Variants in ACKR2 observed in about 807,000 individuals in gnomAD.
The protein encoded by ACKR2 is atypical chemokine receptor 2, also known as C-C chemokine receptor D6.
For missense variants in ACKR2, 457 were observed against 477.3 expected (o/e 0.96, Z 0.40); for synonymous variants, 207 against 192.2 (o/e 1.08, Z -0.64).
At chr3:42,834,055 T>G (rs748337600) in intron 2 of ACKR2, among the ~76,000 whole-genome samples, 2 of 152,204 alleles carry the variant, frequency 1.3e-5, no homozygotes, top group African/African-American at 4.8e-5. Context: ...CTCCACCTTC[T>G]AGGTTCAAGC....
rs146671888 is a variant in ACKR2 at position 42,864,769 on chromosome 3, C to A, written c.267C>A (p.Ala89=). The change falls in exon 3 of 3, where the codon GCC becomes GCA. Residue 89 remains alanine (A), a synonymous_variant. Coordinates refer to ENST00000422265, the MANE Select transcript of ACKR2 (RefSeq NM_001296.5). ...TTGAGATCTATCTGCTGAATCTGGCCATCTCCAACCTTCTGTTTCTGGTGA... is the reference window on the plus strand; with the variant it reads ...TTGAGATCTATCTGCTGAATCTGGCAATCTCCAACCTTCTGTTTCTGGTGA... The part of the protein sequence containing the change: ...RMVEIYLLNL[A]ISNLLFLVTL... 1.9e-6 allele frequency: 3 copies of A among 1,614,082 alleles called. No homozygotes were observed. The highest frequency in any genetic ancestry group is 1.7e-6 in the Non-Finnish European group (2 of 1,180,042).
At position 42,865,216 on chromosome 3, in the gene ACKR2, G is replaced by A. The variant is rs1232867831; in HGVS notation, c.714G>A (p.Val238=). 6.2e-7 allele frequency: 1 copy of A among 1,614,190 alleles called. No homozygotes were observed. The change falls in exon 3 of 3, where the codon GTG becomes GTA. Residue 238 remains valine (V), a synonymous_variant. Transcript: ENST00000422265. The part of the protein sequence containing the change: ...FFYSRIGCVL[V]RLRPAGQGRA... ...ACTCCCGTATTGGTTGTGTCTTGGTGAGGCTGAGGCCCGCAGGCCAGGGCC... is the reference window on the plus strand; with the variant it reads ...ACTCCCGTATTGGTTGTGTCTTGGTAAGGCTGAGGCCCGCAGGCCAGGGCC...
intron 1 of ACKR2, among the ~76,000 whole-genome samples, chr3:42,812,208 G>T (rs1189896072): frequency 6.6e-6 from 1 of 152,196 alleles, no homozygotes; most frequent in African/African-American, 2.4e-5. Flanking sequence ...CCTCAGGGTT[G>T]TATAGTGCAT....
At chr3:42,810,754 C>T (rs1041198274) in intron 1 of ACKR2, among the ~76,000 whole-genome samples, 30 of 152,316 alleles carry the variant, frequency 2.0e-4, no homozygotes, top group Admixed American at 3.9e-4. Context: ...GGCAACTGGC[C>T]GAAGAGACAC....
chr3:42,854,704 G>T (rs748515550), intron 2 of ACKR2, among the ~76,000 whole-genome samples: 2 of 152,180 alleles, frequency 1.3e-5, no homozygotes, highest in Non-Finnish European at 2.9e-5. Context: ...CATAGAAGGA[G>T]CCCAACTAAC....
intron 2 of ACKR2, among the ~76,000 whole-genome samples, chr3:42,838,695 C>G (rs909600739): frequency 6.6e-6 from 1 of 152,194 alleles, no homozygotes; most frequent in African/African-American, 2.4e-5. Flanking sequence ...TCACTCTATT[C>G]CTAAGTATTT....
intron 1 of ACKR2, among the ~76,000 whole-genome samples, chr3:42,810,755 G>A (rs1463379063): frequency 6.6e-6 from 1 of 152,216 alleles, no homozygotes; most frequent in Non-Finnish European, 1.5e-5. Flanking sequence ...GCAACTGGCC[G>A]AAGAGACACC....
intron 2 of ACKR2, among the ~76,000 whole-genome samples, chr3:42,838,359 C>T (rs939654155): frequency 6.6e-6 from 1 of 151,982 alleles, no homozygotes; most frequent in Non-Finnish European, 1.5e-5. Context: ...AAACACACAG[C>T]CCAATTTTGT....
intron 2 of ACKR2, among the ~76,000 whole-genome samples, chr3:42,858,935 G>A (rs2088351295): frequency 6.6e-6 from 1 of 151,792 alleles, no homozygotes. Flanking sequence ...AGAGATTGAA[G>A]ATCAACTTAA....
At position 42,865,856 on chromosome 3, in the gene ACKR2, T is replaced by C. The variant is rs955182157; in HGVS notation, c.*199T>C. 34 of 538,874 alleles carry C rather than the reference T, an allele frequency of 6.3e-5. No individual in the cohort carries two copies. In the East Asian group the frequency reaches 1.0e-3, roughly 16 times the overall value. 33.4% of individuals were successfully genotyped at this position (538,874 alleles called of 1,614,324 possible). On this transcript the variant is annotated 3_prime_UTR_variant, in exon 3 of 3. Coordinates refer to ENST00000422265, the MANE Select transcript of ACKR2 (RefSeq NM_001296.5). ...CTTGCTTCCAGGATACCACGCTTTC[T>C]TTTCTGAATTGCTACAATCTTTCTT...
At position 42,864,965 on chromosome 3, in the gene ACKR2, C is replaced by T; in HGVS notation, c.463C>T (p.Leu155=). ...CGTTCATGCTCAGCCCTACCACAGG[C>T]TGAGGACCCGGGCCAAGAGCCTGCT... ...EIVHAQPYHR[L]RTRAKSLLLA... Residue 155 remains leucine, a synonymous_variant, in exon 3 of 3, where the codon CTG becomes TTG. Coordinates refer to ENST00000422265, the MANE Select transcript of ACKR2 (RefSeq NM_001296.5). The T allele has an allele frequency of 6.2e-7, 1 of 1,614,176 alleles. No individual in the cohort carries two copies. The highest frequency in any genetic ancestry group is 8.5e-7 in the Non-Finnish European group (1 of 1,180,032).
chr3:42,822,650 C>G (rs558417768), intron 2 of ACKR2, among the ~76,000 whole-genome samples: 1 of 151,868 alleles, frequency 6.6e-6, no homozygotes, highest in Non-Finnish European at 1.5e-5. Context: ...GTCAGGAGTT[C>G]GAGACCAGCC....
intron 2 of ACKR2, among the ~76,000 whole-genome samples, chr3:42,854,581 G>A (rs1448851933): frequency 6.6e-6 from 1 of 152,138 alleles, no homozygotes. Context: ...TGGACAATTG[G>A]GCTTCACCTA....
chr3:42,854,682 T>TA (rs1211903311), intron 2 of ACKR2, among the ~76,000 whole-genome samples: 2 of 152,152 alleles, frequency 1.3e-5, no homozygotes, highest in Non-Finnish European at 2.9e-5. Flanking sequence ...AATTACATGT[T>TA]AGTGTTCAAC....
At chr3:42,862,296 C>T (rs915828253) in intron 2 of ACKR2, among the ~76,000 whole-genome samples, 16 of 152,164 alleles carry the variant, frequency 1.1e-4, no homozygotes, top group African/African-American at 3.9e-4. Context: ...AAGAATACAA[C>T]TTACAAGGGA....
rs1162654936 is a variant in ACKR2, at chr3:42,825,851, GTTTT to G, written c.-38+6150_-38+6153del. 1.3e-4 allele frequency among the ~76,000 whole-genome samples: 13 copies of G among 97,850 alleles called. No individual in the cohort carries two copies. The East Asian group carries it at 4.4e-3, about 33-fold the overall frequency. 64.2% of individuals were successfully genotyped at this position (97,850 alleles called of 152,430 possible). On this transcript the variant is annotated intron_variant, in intron 2 of 2. Coordinates refer to ENST00000422265, the MANE Select transcript of ACKR2 (RefSeq NM_001296.5). ...CCATTAAGTGTGATGTTAGCTCTGG[GTTTT>G]TTTTTTTTTGTTTTTTTTTTTTGTA...
chr3:42,843,146 C>T (rs1453663287), intron 2 of ACKR2, among the ~76,000 whole-genome samples: 1 of 151,844 alleles, frequency 6.6e-6, no homozygotes, highest in Non-Finnish European at 1.5e-5. Context: ...ACAATCACGG[C>T]TCACTGCAAC....
intron 2 of ACKR2, among the ~76,000 whole-genome samples, chr3:42,840,389 G>C (rs536397532): frequency 6.6e-6 from 1 of 152,126 alleles, no homozygotes; most frequent in African/African-American, 2.4e-5. Context: ...CTTCTCTGGT[G>C]GGAGGGATAG....
At chr3:42,812,346 G>A (rs1248856910) in intron 1 of ACKR2, among the ~76,000 whole-genome samples, 2 of 152,190 alleles carry the variant, frequency 1.3e-5, no homozygotes, top group African/African-American at 4.8e-5. Context: ...TGCTTTATGA[G>A]AGAGACAAAG....
Sources: allele counts gnomAD v4.1 joint callset (sites outside exome capture counted in the v4.1 genomes callset), GRCh38; gene constraint gnomAD v4.1.1; transcripts MANE v1.5; gene names NCBI Gene and HGNC (gene_info 2026-07-23, HGNC 2026-07-21).